ADGRB3: variants seen among roughly 807,000 people sequenced by gnomAD.
ADGRB3 encodes the protein adhesion G protein-coupled receptor B3.
Under a neutral mutation model 193.4 loss-of-function variants are expected in ADGRB3, and 37 were observed. The ratio of observed to expected loss-of-function variants is 0.19; its 90% CI spans 0.15 to 0.25. The LOEUF (loss-of-function observed/expected upper bound fraction) is 0.25, where lower values mean the gene tolerates loss of function less well. ADGRB3 is among the 10% of genes least tolerant of loss of function. The pLI is 1.00. For synonymous variants in ADGRB3, 690 were observed against 644.2 expected (o/e 1.07, Z -1.08); for missense variants, 1,637 against 1,852.9 (o/e 0.88, Z 2.14).
At position 69,361,298 on chromosome 6, in the gene ADGRB3, A is replaced by G. The variant is rs1307751320; in HGVS notation, c.4025A>G (p.His1342Arg). 2 of 1,612,836 alleles carry G rather than the reference A, an allele frequency of 1.2e-6. No homozygotes were observed. Among genetic ancestry groups the G allele is most frequent in the South Asian group, 2.2e-5 (2 of 91,068 alleles). Residue 1342 changes from histidine to arginine, a missense_variant, in exon 29 of 32, where the codon CAC becomes CGC. His to Arg is a conservative substitution (Grantham distance 29). Coordinates refer to ENST00000370598, the MANE Select transcript of ADGRB3 (RefSeq NM_001704.3). The part of the protein sequence containing the change: ...METLPHERLL[H>R]YKVNPEFNMN... ...ACCTTGCCGCATGAAAGGCTATTGC[A>G]CTACAAAGTAAACCCTGAATTCAAT...
chr6:69,092,005 C>T (rs1772724358), intron 17 of ADGRB3, among the ~76,000 whole-genome samples: 1 of 152,182 alleles, frequency 6.6e-6, no homozygotes, highest in Non-Finnish European at 1.5e-5. Flanking sequence ...AATGTGGCCC[C>T]TCTTCCTGAG....
rs754898402 is a variant in ADGRB3 at position 69,063,051 on chromosome 6, C to G, written c.2436+15C>G. 2.5e-6 allele frequency: 4 copies of G among 1,568,962 alleles called. No individual in the cohort carries two copies. The highest frequency in any genetic ancestry group is 3.5e-6 in the Non-Finnish European group (4 of 1,140,112). On this transcript the variant is annotated intron_variant, in intron 16 of 31. Coordinates refer to ENST00000370598, the MANE Select transcript of ADGRB3 (RefSeq NM_001704.3). ...ATTTGGCTAATGTAAGTACCATCCA[C>G]TGGGCACTGACTTGCTTATGGAATT...
At chr6:69,210,481 G>A (rs919207044) in intron 17 of ADGRB3, among the ~76,000 whole-genome samples, 4 of 151,940 alleles carry the variant, frequency 2.6e-5, no homozygotes, top group Non-Finnish European at 4.4e-5. Flanking sequence ...CTTTGGCAAC[G>A]CCCTCACAGA....
intron 11 of ADGRB3, among the ~76,000 whole-genome samples, chr6:69,003,245 C>A (rs1485704497): frequency 6.6e-6 from 1 of 152,104 alleles, no homozygotes; most frequent in East Asian, 1.9e-4. Flanking sequence ...ACTGCCAATG[C>A]AGATATGTAA....
intron 18 of ADGRB3, 98 bp downstream of exon 18, chr6:69,233,514 A>G: frequency 6.9e-7 from 1 of 1,458,124 alleles, no homozygotes; most frequent in South Asian, 1.2e-5. Flanking sequence ...GAAATGGAAA[A>G]TGTTGCAGGG....
At chr6:68,775,438 G>A (rs1433177000) in intron 3 of ADGRB3, among the ~76,000 whole-genome samples, 1 of 152,112 alleles carries the variant, frequency 6.6e-6, no homozygotes, top group African/African-American at 2.4e-5. Flanking sequence ...GAGAAGACAA[G>A]ATTAAGGCAG....
chr6:69,071,226 A>G (rs984254087), intron 16 of ADGRB3, among the ~76,000 whole-genome samples: 1 of 152,224 alleles, frequency 6.6e-6, no homozygotes, highest in Non-Finnish European at 1.5e-5. Flanking sequence ...ATAGTTGAGT[A>G]TTTCCTTAAA....
At chr6:69,341,647 A>G (rs542319178) in intron 26 of ADGRB3, among the ~76,000 whole-genome samples, 2 of 152,174 alleles carry the variant, frequency 1.3e-5, no homozygotes, top group Non-Finnish European at 2.9e-5. Flanking sequence ...TATAGACCAA[A>G]GGAGTAGAAA....
At chr6:68,841,535 A>G (rs1338748681) in intron 3 of ADGRB3, among the ~76,000 whole-genome samples, 1 of 152,204 alleles carries the variant, frequency 6.6e-6, no homozygotes, top group African/African-American at 2.4e-5. Flanking sequence ...AATTAAGAAG[A>G]GAATTTAAAA....
chr6:68,906,835 T>C (rs896754122), intron 3 of ADGRB3, among the ~76,000 whole-genome samples: 1 of 152,024 alleles, frequency 6.6e-6, no homozygotes, highest in Admixed American at 6.6e-5. Context: ...ATTTTATTCA[T>C]AATGTTTCTG....
At chr6:69,276,897 T>C (rs577029302) in intron 20 of ADGRB3, among the ~76,000 whole-genome samples, 2 of 152,136 alleles carry the variant, frequency 1.3e-5, no homozygotes, top group African/African-American at 2.4e-5. Context: ...CATCAAATTG[T>C]ATACATTAAA....
intron 3 of ADGRB3, among the ~76,000 whole-genome samples, chr6:68,880,096 A>G (rs2150223943): frequency 6.6e-6 from 1 of 152,264 alleles, no homozygotes; most frequent in African/African-American, 2.4e-5. Flanking sequence ...GAATTGTTTA[A>G]AGTGGAGAGA....
At chr6:68,657,868 A>G (rs1768528956) in intron 3 of ADGRB3, among the ~76,000 whole-genome samples, 2 of 151,376 alleles carry the variant, frequency 1.3e-5, no homozygotes, top group Admixed American at 1.3e-4. Flanking sequence ...CACAACTGGC[A>G]TTGCACAACT....
At chr6:68,742,453 T>C (rs958874990) in intron 3 of ADGRB3, among the ~76,000 whole-genome samples, 9 of 152,126 alleles carry the variant, frequency 5.9e-5, no homozygotes, top group African/African-American at 2.2e-4. Context: ...TTAATCATTC[T>C]CAGGAATAAG....
At chr6:68,885,018 A>ATGTT in intron 3 of ADGRB3, among the ~76,000 whole-genome samples, 1 of 152,226 alleles carries the variant, frequency 6.6e-6, no homozygotes. Context: ...TAATCATAAA[A>ATGTT]TATTTAAATA....
At chr6:68,721,420 G>T (rs981959600) in intron 3 of ADGRB3, among the ~76,000 whole-genome samples, 10 of 146,788 alleles carry the variant, frequency 6.8e-5, no homozygotes, top group Non-Finnish European at 1.2e-4. Flanking sequence ...GGTGGGAATT[G>T]AACAAAGAGA....
intron 17 of ADGRB3, among the ~76,000 whole-genome samples, chr6:69,214,284 G>T (rs1765728561): frequency 6.6e-6 from 1 of 152,084 alleles, no homozygotes; most frequent in South Asian, 2.1e-4. Context: ...CTACCCTGAG[G>T]CATCAGCTTA....
intron 11 of ADGRB3, among the ~76,000 whole-genome samples, chr6:69,012,328 A>C (rs1769961612): frequency 6.6e-6 from 1 of 152,032 alleles, no homozygotes; most frequent in African/African-American, 2.4e-5. Context: ...GGCAGGGGTT[A>C]GAATGCAGAC....
chr6:69,030,247 A>C (rs1301880043), intron 13 of ADGRB3, among the ~76,000 whole-genome samples: 1 of 152,186 alleles, frequency 6.6e-6, no homozygotes, highest in Admixed American at 6.5e-5. Flanking sequence ...CACTTGACCC[A>C]GCAATCCCAT....
Sources: allele counts gnomAD v4.1 joint callset (sites outside exome capture counted in the v4.1 genomes callset), GRCh38; gene constraint gnomAD v4.1.1; transcripts MANE v1.5; gene names NCBI Gene and HGNC (gene_info 2026-07-23, HGNC 2026-07-21).